Variants in IHO1 observed in about 807,000 individuals in gnomAD.
The protein encoded by IHO1 is interactor of HORMAD1 protein 1.
Under a neutral mutation model 31.0 loss-of-function variants are expected in IHO1, and 13 were observed. The observed-to-expected ratio is 0.42, with a 90% confidence interval of 0.27 to 0.67. The LOEUF (loss-of-function observed/expected upper bound fraction) is 0.67. Among genes scored for constraint, IHO1 ranks in the 30% least tolerant of loss-of-function variants. The probability of loss-of-function intolerance (pLI) is 0.24; values close to 1 mark genes in which losing one functional copy is unlikely to be tolerated. For synonymous variants in IHO1, 221 were observed against 248.4 expected (o/e 0.89, Z 1.04); for missense variants, 599 against 687.5 (o/e 0.87, Z 1.44).
chr3:49,191,711 CA>C, the IHO1 span: 1 of 1,594,222 alleles, frequency 6.3e-7, no homozygotes, highest in Non-Finnish European at 8.5e-7. Context: ...ACCAGAGGGC[CA>C]GGGGCCAGGA....
chr3:49,234,482 T>C (rs2046528552), intron 2 of IHO1, among the ~76,000 whole-genome samples: 1 of 152,052 alleles, frequency 6.6e-6, no homozygotes, highest in Admixed American at 6.6e-5. Context: ...GCCCAGGCTC[T>C]GGTGTCCCTT....
At chr3:49,252,375 A>G (rs1031855302) in intron 6 of IHO1, 1 of 153,154 alleles carries the variant, frequency 6.5e-6, no homozygotes, top group Admixed American at 6.6e-5. Flanking sequence ...TGTGGTAAAA[A>G]TACACATAAC....
intron 2 of IHO1, among the ~76,000 whole-genome samples, chr3:49,222,571 G>A (rs914869639): frequency 1.5e-4 from 23 of 152,174 alleles, no homozygotes; most frequent in East Asian, 3.9e-4. Flanking sequence ...TAGTCCTATC[G>A]TAAAGAGTAT....
At chr3:49,224,894 C>G (rs1055554483) in intron 2 of IHO1, among the ~76,000 whole-genome samples, 1 of 152,160 alleles carries the variant, frequency 6.6e-6, no homozygotes, top group Non-Finnish European at 1.5e-5. Context: ...GGAGTAGCAC[C>G]TGGTATCTAA....
chr3:49,227,005 G>T (rs2046426666), intron 2 of IHO1, among the ~76,000 whole-genome samples: 1 of 152,156 alleles, frequency 6.6e-6, no homozygotes, highest in Non-Finnish European at 1.5e-5. Flanking sequence ...ATTAAAGGAG[G>T]CTTCTCATTA....
At chr3:49,232,481 G>A (rs1053275626) in intron 2 of IHO1, among the ~76,000 whole-genome samples, 2 of 152,182 alleles carry the variant, frequency 1.3e-5, no homozygotes, top group Non-Finnish European at 2.9e-5. Context: ...ATAATAACTT[G>A]GGGTAGTGGT....
chr3:49,212,631 C>T (rs569457036), intron 2 of IHO1, among the ~76,000 whole-genome samples: 3 of 152,124 alleles, frequency 2.0e-5, no homozygotes, highest in South Asian at 2.1e-4. Context: ...AAGACCCTTG[C>T]GGTGAGTGTT....
intron 1 of IHO1, among the ~76,000 whole-genome samples, chr3:49,204,347 A>C (rs1476852285): frequency 6.6e-6 from 1 of 152,180 alleles, no homozygotes; most frequent in East Asian, 1.9e-4. Flanking sequence ...CTAGTTCTGC[A>C]GGGCTGGCTT....
chr3:49,254,344 A>G (rs1054513157), intron 6 of IHO1, among the ~76,000 whole-genome samples: 5 of 152,238 alleles, frequency 3.3e-5, no homozygotes, highest in Admixed American at 1.3e-4. Flanking sequence ...AGGAAAATCA[A>G]TCAGTCCTGA....
Position 49,235,138 on chromosome 3 carries a change from G to A in IHO1, c.57-1410G>A, listed in dbSNP as rs141131468. ...GCTAGGATTACAGGCGTGAGCCACC[G>A]TGCCTGGCCAAGTTCATCCAATTTT... On this transcript the variant is annotated intron_variant, in intron 2 of 7. Coordinates refer to ENST00000452691, the MANE Select transcript of IHO1 (RefSeq NM_001135197.2). Among the ~76,000 whole-genome samples the A allele has an allele frequency of 2.4e-4, 37 of 151,934 alleles. No individual in the cohort carries two copies. In the East Asian group the frequency reaches 4.1e-3, roughly 17 times the overall value.
At chr3:49,248,266 C>T (rs1321420303) in intron 6 of IHO1, among the ~76,000 whole-genome samples, 2 of 150,918 alleles carry the variant, frequency 1.3e-5, no homozygotes, top group Non-Finnish European at 2.9e-5. Flanking sequence ...ACTAAAAATA[C>T]AAAAAATTAG....
chr3:49,200,833 G>A (rs1190174001), intron 1 of IHO1, among the ~76,000 whole-genome samples: 1 of 152,126 alleles, frequency 6.6e-6, no homozygotes, highest in East Asian at 1.9e-4. Context: ...CATCTTCAAG[G>A]AGAGCTTTAG....
At chr3:49,219,344 T>G (rs1425273471) in intron 2 of IHO1, among the ~76,000 whole-genome samples, 1 of 152,206 alleles carries the variant, frequency 6.6e-6, no homozygotes, top group East Asian at 1.9e-4. Flanking sequence ...ACCAATAGCA[T>G]GAATGATTTG....
intron 6 of IHO1, chr3:49,245,150 C>CGAAA (rs2046678284): frequency 2.7e-6 from 1 of 375,502 alleles, no homozygotes; most frequent in African/African-American, 2.0e-5. Context: ...GCCTTGGTTT[C>CGAAA]AGTGAGAGCT....
chr3:49,236,563 C>T lies in IHO1; in HGVS notation c.72C>T (p.Ser24=), dbSNP rs12631989. The T allele has an allele frequency of 0.65, 1,035,769 of 1,603,894 alleles. 342,149 individuals carry two copies. Among genetic ancestry groups the T allele is most frequent in the East Asian group, 0.96 (42,857 of 44,826 alleles). The change falls in exon 3 of 8, where the codon TCC becomes TCT. Residue 24 remains serine, a synonymous_variant. Transcript: ENST00000452691. ...IPSGSGNKKS[S]NWNNNQNDYS... ...TAAATTTCAGGAACAAGAAGTCATC[C>T]AACTGGAATAATAATCAAAATGATT...
At chr3:49,203,398 C>A (rs563069438) in intron 1 of IHO1, among the ~76,000 whole-genome samples, 1 of 152,114 alleles carries the variant, frequency 6.6e-6, no homozygotes, top group Non-Finnish European at 1.5e-5. Flanking sequence ...TGTAGGTAAT[C>A]ATAGATAATT....
chr3:49,240,164 G>A (rs1176554557), intron 3 of IHO1, among the ~76,000 whole-genome samples: 1 of 152,128 alleles, frequency 6.6e-6, no homozygotes, highest in African/African-American at 2.4e-5. Context: ...TCCTGCCTCA[G>A]CCTCCCGAGT....
At chr3:49,231,560 T>C (rs1401541927) in intron 2 of IHO1, among the ~76,000 whole-genome samples, 2 of 152,242 alleles carry the variant, frequency 1.3e-5, no homozygotes. Context: ...GGATTCTTCA[T>C]GGTTCATTCC....
intron 2 of IHO1, among the ~76,000 whole-genome samples, chr3:49,222,738 A>G (rs1404010862): frequency 6.6e-6 from 1 of 152,076 alleles, no homozygotes; most frequent in African/African-American, 2.4e-5. Flanking sequence ...TTAGTCTGGG[A>G]TATTTCCTTT....
Sources: gnomAD v4.1 joint callset for allele counts (sites outside exome capture counted in the v4.1 genomes callset) on GRCh38, gnomAD v4.1.1 for gene constraint, MANE v1.5 for transcripts, NCBI Gene and HGNC (gene_info 2026-07-23, HGNC 2026-07-21) for gene names.